The following ROCK2 variants were observed in gnomAD, a reference collection of about 807,000 sequenced individuals.
The protein encoded by ROCK2 is rho-associated protein kinase 2.
Under a neutral mutation model 195.1 loss-of-function variants are expected in ROCK2, and 61 were observed. That is an observed-to-expected ratio of 0.31 (90% CI 0.25 to 0.39). ROCK2 has a LOEUF of 0.39. ROCK2 is among the 10% of genes least tolerant of loss of function. ROCK2 has a pLI of 1.00. For missense variants in ROCK2, 1,109 were observed against 1,637.4 expected, an observed-to-expected ratio of 0.68 and a Z score of 5.57; for synonymous variants, 504 against 545.5, an observed-to-expected ratio of 0.92 and a Z score of 1.06.
At chr2:11,256,261 G>C (rs1295501812) in intron 3 of ROCK2, among the ~76,000 whole-genome samples, 4 of 151,266 alleles carry the variant, frequency 2.6e-5, no homozygotes, top group African/African-American at 9.8e-5. Context: ...GGCCTAGTGG[G>C]AGGTGACTGG....
At chr2:11,215,191 A>G (rs1664383886) in intron 15 of ROCK2, 105 bp from the exon 16 acceptor site, 1 of 1,489,198 alleles carries the variant, frequency 6.7e-7, no homozygotes, top group African/African-American at 1.4e-5. Context: ...ATAAACAAAA[A>G]CCTAAAAATA....
intron 32 of ROCK2, among the ~76,000 whole-genome samples, chr2:11,189,567 C>A (rs1663335828): frequency 6.6e-6 from 1 of 152,174 alleles, no homozygotes; most frequent in African/African-American, 2.4e-5. Flanking sequence ...CTTTAGAGAA[C>A]AAAATATCCT....
At chr2:11,301,770 C>T (rs1343340139) in intron 1 of ROCK2, among the ~76,000 whole-genome samples, 6 of 91,262 alleles carry the variant, frequency 6.6e-5, no homozygotes, top group Admixed American at 2.8e-4. Flanking sequence ...AAGAGTGAAA[C>T]GCCGCCTCAA....
chr2:11,293,281 G>A (rs574368733), intron 1 of ROCK2, among the ~76,000 whole-genome samples: 17 of 152,340 alleles, frequency 1.1e-4, no homozygotes, highest in Admixed American at 7.8e-4. Flanking sequence ...TCAGAGGTTA[G>A]CAGTAACTTT....
At chr2:11,231,416 G>A (rs187651408) in intron 5 of ROCK2, among the ~76,000 whole-genome samples, 3 of 152,104 alleles carry the variant, frequency 2.0e-5, no homozygotes, top group East Asian at 1.9e-4. Context: ...CCATACTAGC[G>A]AGGCTGGTCT....
At chr2:11,292,227 T>C (rs769332778) in intron 1 of ROCK2, among the ~76,000 whole-genome samples, 48 of 152,348 alleles carry the variant, frequency 3.2e-4, no homozygotes, top group Non-Finnish European at 5.0e-4. Flanking sequence ...TTATGTCTTA[T>C]TCTTTACAGC....
Position 11,197,445 on chromosome 2 carries a change from T to C in ROCK2, c.3279+81A>G. The C allele has an allele frequency of 6.5e-7, 1 of 1,538,106 alleles. No individual in the cohort carries two copies. The highest frequency in any genetic ancestry group is 8.9e-7 in the Non-Finnish European group (1 of 1,128,352). ...ATAATTATTAAATAGAAATGGTCTA[T>C]AACCAGTAAAACACAGACATGAAAA... On this transcript the variant is annotated intron_variant, in intron 26 of 32. Coordinates refer to ENST00000315872, the MANE Select transcript of ROCK2 (RefSeq NM_004850.5). This position sits in a 1 kb window ranked among gnomAD's most constrained non-coding sequence, Gnocchi z 4.9.
chr2:11,228,451 A>G (rs943402020), intron 5 of ROCK2, among the ~76,000 whole-genome samples: 10 of 152,224 alleles, frequency 6.6e-5, no homozygotes, highest in African/African-American at 1.9e-4. Context: ...AATAGAGAAT[A>G]AAAGCTATTT....
Position 11,197,922 on chromosome 2 carries a change from G to A in ROCK2, c.3100-217C>T, listed in dbSNP as rs1000446116. Among the ~76,000 whole-genome samples, 13 of 152,000 alleles carry A rather than the reference G, an allele frequency of 8.6e-5. No homozygotes were observed. Among genetic ancestry groups the A allele is most frequent in the Non-Finnish European group, 1.6e-4 (11 of 68,018 alleles). The stretch of plus-strand genomic sequence containing the variant: ...CCAATGAGCCATTAGATTTTTACTC[G>A]TGTTTTCTGAGAATTATAATTTAAA... On this transcript the variant is annotated intron_variant, in intron 25 of 32. Transcript: ENST00000315872. The surrounding 1 kb of genome is among the most constrained non-coding windows in gnomAD (Gnocchi z 4.9).
chr2:11,332,051 G>A (rs1668783590), intron 1 of ROCK2, among the ~76,000 whole-genome samples: 1 of 152,152 alleles, frequency 6.6e-6, no homozygotes, highest in African/African-American at 2.4e-5. Context: ...GCTGAGGTAG[G>A]AGGACTGCTT....
chr2:11,287,639 G>C lies in ROCK2; in HGVS notation c.223+16C>G. 1.2e-6 allele frequency: 1 copy of C among 834,458 alleles called. No individual in the cohort carries two copies. Among genetic ancestry groups the C allele is most frequent in the East Asian group, 2.9e-5 (1 of 34,466 alleles). The allele number at this position is 834,458 out of a possible 1,614,324, so 51.7% of individuals were successfully genotyped here. On this transcript the variant is annotated intron_variant, in intron 2 of 32. Transcript: ENST00000315872. ...GTAGAGTTATAAGATCAAATATGAA[G>C]TTTAAACATACTTACATCTATTTAA...
intron 3 of ROCK2, among the ~76,000 whole-genome samples, chr2:11,285,089 C>T (rs1232619804): frequency 1.3e-5 from 2 of 151,878 alleles, no homozygotes; most frequent in East Asian, 3.9e-4. Flanking sequence ...ATGGAGAAAC[C>T]CTGTCTCTAC....
At chr2:11,290,920 C>G (rs1257334739) in intron 1 of ROCK2, among the ~76,000 whole-genome samples, 5 of 152,096 alleles carry the variant, frequency 3.3e-5, no homozygotes, top group Non-Finnish European at 7.4e-5. Context: ...AAGCCTTGGT[C>G]TATGCCCCCG....
intron 1 of ROCK2, among the ~76,000 whole-genome samples, chr2:11,338,251 GT>G (rs972400710): frequency 6.0e-5 from 9 of 149,974 alleles, no homozygotes; most frequent in African/African-American, 2.3e-4. Flanking sequence ...GAGGGGCTAA[GT>G]TGGAAGGATC....
At chr2:11,222,692 A>G (rs1320440193) in intron 7 of ROCK2, among the ~76,000 whole-genome samples, 1 of 152,120 alleles carries the variant, frequency 6.6e-6, no homozygotes, top group Non-Finnish European at 1.5e-5. Context: ...CATATATGAA[A>G]AATGTTACAA....
In ROCK2 at chr2:11,184,987, T is replaced by C. The variant is rs189870743; in HGVS notation, c.4164-1547A>G. 8.5e-4 allele frequency among the ~76,000 whole-genome samples: 129 copies of C among 152,326 alleles called. 1 individual carries two copies. The highest frequency in any genetic ancestry group is 8.4e-3 in the Admixed American group (128 of 15,292). Reference sequence around the variant, plus strand: ...ATGTTGGCCAAGTACACTTTCCAGATATTTGAAGACAGCGATCATATTTGG... The same window carrying C: ...ATGTTGGCCAAGTACACTTTCCAGACATTTGAAGACAGCGATCATATTTGG... On this transcript the variant is annotated intron_variant, in intron 32 of 32. Transcript: ENST00000315872.
In ROCK2 at chr2:11,252,396, A is replaced by G. The variant is rs997333422; in HGVS notation, c.325-2598T>C. ...ATTGCACTCCAGCCTGGGTGAAAAAAAAAAAAAAGATCTAGAACCAGAAAT... is the reference window on the plus strand; with the variant it reads ...ATTGCACTCCAGCCTGGGTGAAAAAGAAAAAAAAGATCTAGAACCAGAAAT... On this transcript the variant is annotated intron_variant, in intron 3 of 32. Transcript: ENST00000315872. Among the ~76,000 whole-genome samples the G allele has an allele frequency of 2.0e-5, 3 of 151,914 alleles. No individual in the cohort carries two copies. In the East Asian group the frequency reaches 5.8e-4, roughly 29 times the overall value.
chr2:11,335,312 C>G (rs1668896773), intron 1 of ROCK2, among the ~76,000 whole-genome samples: 1 of 151,986 alleles, frequency 6.6e-6, no homozygotes, highest in South Asian at 2.1e-4. Context: ...GGCAGGAGTA[C>G]AGATGAGAGG....
In ROCK2 at chr2:11,208,247, C is replaced by A. The variant is rs1291055891; in HGVS notation, c.2364+40G>T. On this transcript the variant is annotated intron_variant, in intron 19 of 32. Coordinates refer to ENST00000315872, the MANE Select transcript of ROCK2 (RefSeq NM_004850.5). ...ACCTTCATGAATAAACCTATTAATT[C>A]ATTAGTTTATTATTAATCATTAGTA... 3 of 949,120 alleles carry A rather than the reference C, an allele frequency of 3.2e-6. No individual in the cohort carries two copies. The South Asian group carries it at 1.1e-4, about 35-fold the overall frequency. 58.8% of individuals were successfully genotyped at this position (949,120 alleles called of 1,614,324 possible). A position where few individuals can be genotyped will look rare whatever the true frequency, so the allele number is the denominator to read the frequency against.
Sources: gnomAD v4.1 joint callset for allele counts (sites outside exome capture counted in the v4.1 genomes callset) on GRCh38, gnomAD v4.1.1 for gene constraint, Gnocchi (gnomAD v3.1) non-coding constraint, MANE v1.5 for transcripts, NCBI Gene and HGNC (gene_info 2026-07-23, HGNC 2026-07-21) for gene names.